Variants in PPCDC observed in about 807,000 individuals in gnomAD.
PPCDC encodes the protein phosphopantothenoylcysteine decarboxylase.
A neutral mutation model predicts 20.7 loss-of-function variants in PPCDC; 20 were observed. The ratio of observed to expected loss-of-function variants is 0.97; its 90% CI spans 0.68 to 1.41. PPCDC has a LOEUF of 1.41. PPCDC is among the 40% of genes most tolerant of loss of function. The probability of loss-of-function intolerance (pLI) is 0.00; values close to 1 mark genes in which losing one functional copy is unlikely to be tolerated. For missense variants in PPCDC, 246 were observed against 263.8 expected, an observed-to-expected ratio of 0.93 and a Z score of 0.47; for synonymous variants, 88 against 100.3, an observed-to-expected ratio of 0.88 and a Z score of 0.73.
intron 1 of PPCDC, among the ~76,000 whole-genome samples, chr15:75,027,002 T>TA (rs2065967197): frequency 6.6e-6 from 1 of 152,086 alleles, no homozygotes; most frequent in African/African-American, 2.4e-5. Context: ...AGGGTATAGT[T>TA]ATTCATTCAG....
chr15:75,036,715 T>A (rs1211047326), intron 2 of PPCDC, among the ~76,000 whole-genome samples: 1 of 152,038 alleles, frequency 6.6e-6, no homozygotes, highest in Non-Finnish European at 1.5e-5. Context: ...TCTGAGACCT[T>A]GAGTGACGGT....
intron 4 of PPCDC, among the ~76,000 whole-genome samples, chr15:75,047,813 C>T (rs1371776392): frequency 1.3e-5 from 2 of 152,232 alleles, no homozygotes; most frequent in African/African-American, 2.4e-5. Flanking sequence ...ACAGCTAGAG[C>T]ACAGTCAGGA....
intron 4 of PPCDC, among the ~76,000 whole-genome samples, chr15:75,047,715 G>A (rs1393932272): frequency 6.6e-6 from 1 of 152,212 alleles, no homozygotes; most frequent in Non-Finnish European, 1.5e-5. Flanking sequence ...CCCAGGGAGG[G>A]ACCTTTCTAG....
chr15:75,028,757 G>A (rs1276909367), intron 2 of PPCDC, among the ~76,000 whole-genome samples: 1 of 152,166 alleles, frequency 6.6e-6, no homozygotes, highest in African/African-American at 2.4e-5. Flanking sequence ...AGTCCTGTGT[G>A]GGAGGAGGGC....
rs760455730 is a variant in PPCDC at position 75,049,138 on chromosome 15, T to C, written c.530-12T>C. 6.2e-7 allele frequency: 1 copy of C among 1,613,430 alleles called. No homozygotes were observed. The highest frequency in any genetic ancestry group is 8.5e-7 in the Non-Finnish European group (1 of 1,179,518). Reference sequence around the variant, plus strand: ...GTTGGCCTGTCTGGCCACAGCGGAATTTTGCTCCCAGGTCTCGGGGCCATG... The same window carrying C: ...GTTGGCCTGTCTGGCCACAGCGGAACTTTGCTCCCAGGTCTCGGGGCCATG... On this transcript the variant is annotated splice_polypyrimidine_tract_variant and intron_variant, in intron 5 of 5. Coordinates refer to ENST00000342932, the MANE Select transcript of PPCDC (RefSeq NM_021823.5).
chr15:75,043,502 C>T lies in PPCDC; in HGVS notation c.197C>T (p.Pro66Leu), dbSNP rs759180611. ...CATTTCTACAGCCCCCAGGACATTC[C>T]TGTCACCCTCTACAGCGACGCTGAT... ...AKHFYSPQDI[P>L]VTLYSDADEW... The change falls in exon 3 of 6, where the codon CCT (proline) becomes CTT (leucine). Residue 66 changes from proline to leucine, a missense_variant. Transcript: ENST00000342932. 6.2e-7 allele frequency: 1 copy of T among 1,612,458 alleles called. No individual in the cohort carries two copies. The highest frequency in any genetic ancestry group is 1.7e-5 in the Admixed American group (1 of 59,798).
chr15:75,049,080 C>A, intron 5 of PPCDC, 70 bp from the exon 6 acceptor site: 2 of 1,407,108 alleles, frequency 1.4e-6, no homozygotes, highest in South Asian at 1.2e-5. Context: ...GCACTTGGAG[C>A]AATGGGCAGG....
chr15:75,039,701 C>T (rs1452116256), intron 2 of PPCDC, among the ~76,000 whole-genome samples: 1 of 152,234 alleles, frequency 6.6e-6, no homozygotes, highest in Non-Finnish European at 1.5e-5. Context: ...CCTTTCGCTT[C>T]CATCTTCTGA....
Position 75,043,421 on chromosome 15 carries a change from C to A in PPCDC, c.136-20C>A. On this transcript the variant is annotated intron_variant, in intron 2 of 5. Transcript: ENST00000342932. ...CAGTTTCTTCCTCCCTCCCCGCCACCCCCTTCTTCTTGGTGACAGCTGGAA... is the reference window on the plus strand; with the variant it reads ...CAGTTTCTTCCTCCCTCCCCGCCACACCCTTCTTCTTGGTGACAGCTGGAA... 2 of 1,598,730 alleles carry A rather than the reference C, an allele frequency of 1.3e-6. No homozygotes were observed. Among genetic ancestry groups the A allele is most frequent in the Non-Finnish European group, 1.7e-6 (2 of 1,170,240 alleles).
intron 2 of PPCDC, among the ~76,000 whole-genome samples, chr15:75,037,403 A>C (rs2066098625): frequency 6.6e-6 from 1 of 152,130 alleles, no homozygotes; most frequent in Admixed American, 6.5e-5. Context: ...AAGAACAATG[A>C]AGCAGTGTCT....
At chr15:75,030,488 A>G (rs1193183303) in intron 2 of PPCDC, among the ~76,000 whole-genome samples, 1 of 152,144 alleles carries the variant, frequency 6.6e-6, no homozygotes, top group Non-Finnish European at 1.5e-5. Flanking sequence ...CTGCAGGGAG[A>G]CAGCTCTCCA....
In PPCDC at chr15:75,028,281, C is replaced by T. The variant is rs2065980412; in HGVS notation, c.-38C>T. ...CCCGACAGCTTTATAGAGCCCAGGC[C>T]TGGCAGGCTCCCAGAACTTGAAGCC... is the stretch of plus-strand genomic sequence containing the variant. On this transcript the variant is annotated 5_prime_UTR_variant, in exon 2 of 6. Transcript: ENST00000342932. The T allele has an allele frequency of 6.2e-7, 1 of 1,609,486 alleles. No homozygotes were observed. The highest frequency in any genetic ancestry group is 1.3e-5 in the African/African-American group (1 of 74,310).
intron 2 of PPCDC, among the ~76,000 whole-genome samples, chr15:75,034,481 G>A (rs1175546661): frequency 2.0e-5 from 3 of 152,160 alleles, no homozygotes; most frequent in African/African-American, 4.8e-5. Context: ...AACCCACTGA[G>A]CCAACCGGAA....
chr15:75,039,699 T>G (rs1224087784), intron 2 of PPCDC, among the ~76,000 whole-genome samples: 1 of 152,230 alleles, frequency 6.6e-6, no homozygotes, highest in East Asian at 1.9e-4. Context: ...TTCCTTTCGC[T>G]TCCATCTTCT....
chr15:75,035,171 C>T (rs928697002), intron 2 of PPCDC, among the ~76,000 whole-genome samples: 3 of 152,134 alleles, frequency 2.0e-5, no homozygotes, highest in African/African-American at 4.8e-5. Context: ...ATGCTCTTCA[C>T]GGATAATGCT....
At chr15:75,023,868 G>A (rs948127958) in intron 1 of PPCDC, among the ~76,000 whole-genome samples, 1 of 152,196 alleles carries the variant, frequency 6.6e-6, no homozygotes, top group African/African-American at 2.4e-5. Context: ...CGAGCCCTGA[G>A]TGGAGGGTTT....
chr15:75,048,632 C>G lies in PPCDC; in HGVS notation c.440C>G (p.Pro147Arg). The stretch of plus-strand genomic sequence containing the variant: ...ATGAACACCGCCATGTGGGAGCACC[C>G]GATCACAGCGCAGCAGGTAGACCAG... ...PAMNTAMWEHPITAQQVDQLK... is the reference protein window; with the variant it reads ...PAMNTAMWEHRITAQQVDQLK... The change falls in exon 5 of 6, where the codon CCG (proline) becomes CGG (arginine). Residue 147 changes from proline (P) to arginine (R), a missense_variant. Pro to Arg is a moderately radical substitution (Grantham distance 103). Around this residue, in one of 2 missense-constraint regions of PPCDC, gnomAD observed 225 missense variants for 222.6 expected, o/e 1.01. Transcript: ENST00000342932. The G allele has an allele frequency of 3.1e-6, 5 of 1,614,236 alleles. No homozygotes were observed. Among genetic ancestry groups the G allele is most frequent in the Non-Finnish European group, 4.2e-6 (5 of 1,180,046 alleles).
At chr15:75,046,530 A>C (rs1246838856) in intron 4 of PPCDC, among the ~76,000 whole-genome samples, 2 of 152,258 alleles carry the variant, frequency 1.3e-5, no homozygotes, top group African/African-American at 4.8e-5. Context: ...TCCCTCCTCC[A>C]GAGTTGGCTG....
rs191417053 is a variant in PPCDC, at chr15:75,049,133, C to T, written c.530-17C>T. On this transcript the variant is annotated splice_polypyrimidine_tract_variant and intron_variant, in intron 5 of 5. Coordinates refer to ENST00000342932, the MANE Select transcript of PPCDC (RefSeq NM_021823.5). Reference sequence around the variant, plus strand: ...GCACTGTTGGCCTGTCTGGCCACAGCGGAATTTTGCTCCCAGGTCTCGGGG... The same window carrying T: ...GCACTGTTGGCCTGTCTGGCCACAGTGGAATTTTGCTCCCAGGTCTCGGGG... 9.9e-6 allele frequency: 16 copies of T among 1,611,004 alleles called. No individual in the cohort carries two copies. Among genetic ancestry groups the T allele is most frequent in the African/African-American group, 5.3e-5 (4 of 74,818 alleles).
Sources: allele counts gnomAD v4.1 joint callset (sites outside exome capture counted in the v4.1 genomes callset), GRCh38; gene constraint gnomAD v4.1.1; regional missense constraint gnomAD v4.1.1; transcripts MANE v1.5; gene names NCBI Gene and HGNC (gene_info 2026-07-23, HGNC 2026-07-21).